Variants in DOCK10 observed in about 807,000 individuals in gnomAD.
DOCK10 encodes dedicator of cytokinesis protein 10.
A neutral mutation model predicts 280.1 loss-of-function variants in DOCK10; 145 were observed. That is an observed-to-expected ratio of 0.52 (90% CI 0.45 to 0.59). The LOEUF is 0.59. DOCK10 is among the 20% of genes least tolerant of loss of function. The probability of loss-of-function intolerance (pLI) is 0.00; values close to 1 mark genes in which losing one functional copy is unlikely to be tolerated. For synonymous variants in DOCK10, 915 were observed against 942.2 expected, an observed-to-expected ratio of 0.97 and a Z score of 0.53; for missense variants, 2,368 against 2,651.7, an observed-to-expected ratio of 0.89 and a Z score of 2.35.
intron 1 of DOCK10, among the ~76,000 whole-genome samples, chr2:224,973,281 C>A (rs886500764): frequency 1.3e-5 from 2 of 152,106 alleles, no homozygotes; most frequent in Non-Finnish European, 2.9e-5. Flanking sequence ...ATCCCCAGAA[C>A]CTGTGCCTAT....
At chr2:224,768,791 G>C in intron 55 of DOCK10, 1 of 415,690 alleles carries the variant, frequency 2.4e-6, no homozygotes, top group Non-Finnish European at 4.7e-6. Flanking sequence ...GAGGTGACTA[G>C]AGAGACTGAA....
chr2:224,798,847 T>C (rs1692771113), intron 41 of DOCK10, among the ~76,000 whole-genome samples: 1 of 152,030 alleles, frequency 6.6e-6, no homozygotes, highest in Non-Finnish European at 1.5e-5. Flanking sequence ...TTGCCCAGGT[T>C]GGTCTTGAAC....
At chr2:224,964,164 A>G (rs2126182002) in intron 1 of DOCK10, among the ~76,000 whole-genome samples, 1 of 152,304 alleles carries the variant, frequency 6.6e-6, no homozygotes, top group East Asian at 1.9e-4. Flanking sequence ...AGATGACTGT[A>G]TTTAAGTGGA....
At chr2:225,034,585 G>A (rs998686531) in intron 1 of DOCK10, among the ~76,000 whole-genome samples, 5 of 151,964 alleles carry the variant, frequency 3.3e-5, no homozygotes, top group African/African-American at 4.8e-5. Context: ...ATGTACATTC[G>A]GCCCACCCTT....
At chr2:224,961,247 A>G (rs556580855) in intron 1 of DOCK10, among the ~76,000 whole-genome samples, 1 of 152,302 alleles carries the variant, frequency 6.6e-6, no homozygotes, top group South Asian at 2.1e-4. Flanking sequence ...TACAATGGCA[A>G]CTAAACTTGA....
At chr2:224,940,176 G>A (rs1196095372) in intron 1 of DOCK10, among the ~76,000 whole-genome samples, 1 of 151,966 alleles carries the variant, frequency 6.6e-6, no homozygotes, top group East Asian at 1.9e-4. Context: ...TTCATTTCTG[G>A]GGCTACACTC....
At chr2:224,996,025 G>C (rs555350716) in intron 1 of DOCK10, among the ~76,000 whole-genome samples, 62 of 152,144 alleles carry the variant, frequency 4.1e-4, no homozygotes, top group Non-Finnish European at 4.3e-4. Context: ...GAGTCAACTA[G>C]TAAGTTATCC....
intron 25 of DOCK10, among the ~76,000 whole-genome samples, chr2:224,836,510 T>G (rs933514577): frequency 6.6e-6 from 1 of 152,090 alleles, no homozygotes; most frequent in African/African-American, 2.4e-5. Context: ...ATATAAAAAC[T>G]GTAATGAAAA....
chr2:224,876,952 C>A (rs1036208361), intron 7 of DOCK10, among the ~76,000 whole-genome samples: 35 of 152,192 alleles, frequency 2.3e-4, no homozygotes, highest in African/African-American at 8.4e-4. Flanking sequence ...CTTCACCAAC[C>A]TCCAGATTCT....
At chr2:224,836,398 A>G (rs558087921) in intron 25 of DOCK10, among the ~76,000 whole-genome samples, 5 of 152,340 alleles carry the variant, frequency 3.3e-5, no homozygotes, top group South Asian at 4.1e-4. Context: ...TTATTGTGAA[A>G]TAACTATTTT....
chr2:224,982,107 A>G, intron 1 of DOCK10: 3 of 904,398 alleles, frequency 3.3e-6, no homozygotes, highest in African/African-American at 1.7e-5. Flanking sequence ...TCTAGGTCAC[A>G]CATGCCTTTA....
chr2:224,967,748 A>T (rs1559888586), intron 1 of DOCK10, among the ~76,000 whole-genome samples: 2 of 152,078 alleles, frequency 1.3e-5, no homozygotes, highest in Non-Finnish European at 2.9e-5. Flanking sequence ...AAAAAACCAC[A>T]TATATGTAGT....
intron 1 of DOCK10, among the ~76,000 whole-genome samples, chr2:225,021,603 A>C (rs181766563): frequency 6.6e-5 from 10 of 152,340 alleles, no homozygotes; most frequent in Admixed American, 3.3e-4. Context: ...GAGTACTTGC[A>C]GCAGGTTCCT....
intron 25 of DOCK10, among the ~76,000 whole-genome samples, chr2:224,835,995 G>A (rs999210849): frequency 1.3e-5 from 2 of 152,218 alleles, no homozygotes; most frequent in Admixed American, 6.5e-5. Context: ...CCGGTAGAAA[G>A]TCTGAGATTT....
intron 50 of DOCK10, among the ~76,000 whole-genome samples, chr2:224,782,355 C>G (rs1446183889): frequency 1.3e-5 from 2 of 152,172 alleles, no homozygotes; most frequent in Non-Finnish European, 2.9e-5. Context: ...AGGTCTTTTA[C>G]TTAATTAATT....
intron 1 of DOCK10, among the ~76,000 whole-genome samples, chr2:224,955,950 T>A (rs907013043): frequency 2.0e-5 from 3 of 152,232 alleles, no homozygotes; most frequent in Admixed American, 6.5e-5. Flanking sequence ...ATTGTTCGTG[T>A]CTGTCCAGTG....
chr2:224,960,730 C>CTTT lies in DOCK10; in HGVS notation c.124-29065_124-29063dup, dbSNP rs71281764. ...TGCACAATGAACGCATCACCAAATT[C>CTTT]TTTTTTTTTTTTTTTTTTTTTTTTT... On this transcript the variant is annotated intron_variant, in intron 1 of 55. Coordinates refer to ENST00000258390, the MANE Select transcript of DOCK10 (RefSeq NM_014689.3). Among the ~76,000 whole-genome samples, 465 of 70,262 alleles carry CTTT rather than the reference C, an allele frequency of 6.6e-3. 78 individuals are homozygous for CTTT. Among genetic ancestry groups the CTTT allele is most frequent in the African/African-American group, 0.019 (357 of 18,490 alleles). The allele number at this position is 70,262 out of a possible 152,430, so 46.1% of individuals were successfully genotyped here.
chr2:225,036,274 A>G (rs540920727), intron 1 of DOCK10, among the ~76,000 whole-genome samples: 2 of 152,140 alleles, frequency 1.3e-5, no homozygotes, highest in African/African-American at 2.4e-5. Context: ...GATGGAGGAG[A>G]GAATATAACA....
intron 38 of DOCK10, 133 bp downstream of exon 38, chr2:224,804,661 G>T (rs1693264767): frequency 1.6e-6 from 1 of 638,014 alleles, no homozygotes; most frequent in Admixed American, 3.6e-5. Context: ...TGTCTAATGT[G>T]ACGTCAACCT....
Sources: allele counts gnomAD v4.1 joint callset (sites outside exome capture counted in the v4.1 genomes callset), GRCh38; gene constraint gnomAD v4.1.1; transcripts MANE v1.5; gene names NCBI Gene and HGNC (gene_info 2026-07-23, HGNC 2026-07-21).